MROH7: variants seen among roughly 807,000 people sequenced by gnomAD.
MROH7 encodes maestro heat-like repeat-containing protein family member 7.
In MROH7, 113 loss-of-function variants were observed where a neutral mutation model predicts 129.2. The ratio of observed to expected loss-of-function variants is 0.87; its 90% CI spans 0.75 to 1.02. The LOEUF is 1.02. Among genes scored for constraint, MROH7 ranks in the 50% least tolerant of loss-of-function variants. The pLI is 0.00. For synonymous variants in MROH7, 655 were observed against 667.9 expected (o/e 0.98, Z 0.30); for missense variants, 1,601 against 1,671.3 (o/e 0.96, Z 0.73).
chr1:54,648,865 G>A (rs966017225), intron 1 of MROH7, among the ~76,000 whole-genome samples: 2 of 152,148 alleles, frequency 1.3e-5, no homozygotes, highest in Non-Finnish European at 2.9e-5. Flanking sequence ...AGAATTAGCA[G>A]AACTTGGCCA....
intron 14 of MROH7, among the ~76,000 whole-genome samples, chr1:54,685,928 C>T (rs1645140207): frequency 6.6e-6 from 1 of 152,166 alleles, no homozygotes; most frequent in South Asian, 2.1e-4. Flanking sequence ...CCCTCTGAGT[C>T]CGCCTCCTCA....
Position 54,670,904 on chromosome 1 carries a change from A to AC in MROH7, c.1575dup (p.Glu526ArgfsTer5). On this transcript the variant is annotated frameshift_variant, in exon 7 of 24. Coordinates refer to ENST00000421030, the MANE Select transcript of MROH7 (RefSeq NM_001039464.4). LOFTEE classifies it high-confidence loss of function. Reference sequence around the variant, plus strand: ...TCCGTGCAGGCGATGCAGGAGAAGGACGAGGCCAAGGCTGAGACCATCCAG... The same window carrying AC: ...TCCGTGCAGGCGATGCAGGAGAAGGACCGAGGCCAAGGCTGAGACCATCCAG... The AC allele has an allele frequency of 6.2e-7, 1 of 1,609,194 alleles. No individual in the cohort carries two copies. Among genetic ancestry groups the AC allele is most frequent in the Non-Finnish European group, 8.5e-7 (1 of 1,178,002 alleles).
In MROH7 at chr1:54,670,561, T is replaced by C. The variant is rs762085154; in HGVS notation, c.1454T>C (p.Ile485Thr). Residue 485 changes from isoleucine to threonine, a missense_variant, in exon 6 of 24, where the codon ATC (isoleucine) becomes ACC (threonine). Transcript: ENST00000421030. ...TCCGTCCGCAAGCAGGCCATGGAGA[T>C]CCTGACCCAGCTGAGGTGTCCATGG... ...SSSVRKQAME[I>T]LTQLSHTQPT... 2.5e-6 allele frequency: 4 copies of C among 1,613,340 alleles called. No homozygotes were observed. The East Asian group carries it at 8.9e-5, about 36-fold the overall frequency.
chr1:54,694,272 T>TG (rs1645286213), intron 16 of MROH7, among the ~76,000 whole-genome samples: 1 of 152,266 alleles, frequency 6.6e-6, no homozygotes, highest in African/African-American at 2.4e-5. Flanking sequence ...CAGCTAGTGC[T>TG]GGGGCCAGGA....
intron 1 of MROH7, among the ~76,000 whole-genome samples, chr1:54,643,360 C>A (rs1009963866): frequency 6.6e-6 from 1 of 152,114 alleles, no homozygotes; most frequent in Non-Finnish European, 1.5e-5. Flanking sequence ...GGTCCCAAGG[C>A]AAGAGGGAGG....
At chr1:54,683,155 A>G (rs1204272301) in intron 14 of MROH7, among the ~76,000 whole-genome samples, 1 of 152,160 alleles carries the variant, frequency 6.6e-6, no homozygotes, top group African/African-American at 2.4e-5. Context: ...TGGGCACTAT[A>G]GCAAGACCTC....
rs771058342 is a variant in MROH7, at chr1:54,652,992, C to T, written c.66C>T (p.Pro22=). 1 of 1,613,808 alleles carries T rather than the reference C, an allele frequency of 6.2e-7. No individual in the cohort carries two copies. The highest frequency in any genetic ancestry group is 1.3e-5 in the African/African-American group (1 of 74,932). ...HEDPKMTPSP[P]SCGAPGLGSG... is the part of the protein sequence containing the mutation. Reference sequence around the variant, plus strand: ...ACCCAAAGATGACACCAAGTCCCCCCTCCTGTGGGGCCCCGGGATTAGGGT... The same window carrying T: ...ACCCAAAGATGACACCAAGTCCCCCTTCCTGTGGGGCCCCGGGATTAGGGT... Residue 22 remains proline, a synonymous_variant, in exon 3 of 24, where the codon CCC becomes CCT. Coordinates refer to ENST00000421030, the MANE Select transcript of MROH7 (RefSeq NM_001039464.4).
intron 17 of MROH7, chr1:54,697,752 G>A (rs1645346403): frequency 4.3e-6 from 3 of 692,358 alleles, no homozygotes; most frequent in Middle Eastern, 2.3e-4. Context: ...ATTCAGAACA[G>A]GCCTGCCTGA....
chr1:54,709,165 T>C, intron 23 of MROH7, 89 bp downstream of exon 23: 1 of 1,259,026 alleles, frequency 7.9e-7, no homozygotes, highest in Admixed American at 1.7e-5. Context: ...GGAAGGGATG[T>C]GTCCCAAGAC....
intron 3 of MROH7, among the ~76,000 whole-genome samples, chr1:54,657,045 C>G (rs1006994795): frequency 2.1e-5 from 3 of 146,244 alleles, no homozygotes; most frequent in African/African-American, 7.5e-5. Flanking sequence ...AAATTCTCAC[C>G]ATCTTTTTTT....
chr1:54,660,257 A>T lies in MROH7; in HGVS notation c.1232-4910A>T, dbSNP rs528312931. 5.4e-4 allele frequency among the ~76,000 whole-genome samples: 83 copies of T among 152,324 alleles called. 1 individual carries two copies. Among genetic ancestry groups the T allele is most frequent in the Non-Finnish European group, 1.5e-5 (1 of 68,036 alleles). On this transcript the variant is annotated intron_variant, in intron 3 of 23. Coordinates refer to ENST00000421030, the MANE Select transcript of MROH7 (RefSeq NM_001039464.4). ...TCCCTACATGGTGGTAGGTGGAAGG[A>T]CAAAAAGGGGCTGAACTCTGTATGA...
chr1:54,649,532 G>C (rs1644523517), intron 1 of MROH7, among the ~76,000 whole-genome samples: 1 of 152,376 alleles, frequency 6.6e-6, no homozygotes, highest in African/African-American at 2.4e-5. Context: ...GGATGGAGGA[G>C]GAGGACTGGG....
intron 23 of MROH7, among the ~76,000 whole-genome samples, chr1:54,709,460 C>T (rs559199055): frequency 1.3e-5 from 2 of 152,252 alleles, no homozygotes; most frequent in South Asian, 2.1e-4. Flanking sequence ...TCAAGTGATC[C>T]GCCCGCTTCT....
At chr1:54,672,629 G>A (rs1342608249) in intron 7 of MROH7, among the ~76,000 whole-genome samples, 1 of 152,136 alleles carries the variant, frequency 6.6e-6, no homozygotes, top group Non-Finnish European at 1.5e-5. Flanking sequence ...AAGTAAGATT[G>A]GCTCTTTCAT....
intron 21 of MROH7, among the ~76,000 whole-genome samples, chr1:54,705,703 T>C (rs1411811154): frequency 6.6e-6 from 1 of 152,168 alleles, no homozygotes; most frequent in Admixed American, 6.5e-5. Context: ...ATGGTGGGCA[T>C]GACAGGTGGA....
At chr1:54,702,324 A>G in intron 20 of MROH7, 79 bp downstream of exon 20, 2 of 1,266,100 alleles carry the variant, frequency 1.6e-6, no homozygotes, top group Non-Finnish European at 2.1e-6. Context: ...TAACCAAGCC[A>G]GAGTCTCAAA....
In MROH7 at chr1:54,702,764, T is replaced by C. The variant is rs77383987; in HGVS notation, c.3564+19T>C. ...GTGCCTTGTGAGTGCTCCCAGAGAGTAGAGTGGTTCCTTACAAGCATGTTG... is the reference window on the plus strand; with the variant it reads ...GTGCCTTGTGAGTGCTCCCAGAGAGCAGAGTGGTTCCTTACAAGCATGTTG... On this transcript the variant is annotated intron_variant, in intron 21 of 23. Transcript: ENST00000421030. The C allele has an allele frequency of 9.0e-4, 1,442 of 1,603,272 alleles. 16 individuals carry two copies. The African/African-American group carries it at 0.017, about 19-fold the overall frequency.
chr1:54,672,018 G>A (rs1486824010), intron 7 of MROH7, among the ~76,000 whole-genome samples: 1 of 152,084 alleles, frequency 6.6e-6, no homozygotes, highest in Non-Finnish European at 1.5e-5. Flanking sequence ...GAGGGTGGCA[G>A]AAGGAATAGC....
At chr1:54,671,355 G>T (rs1434566498) in intron 7 of MROH7, among the ~76,000 whole-genome samples, 1 of 152,242 alleles carries the variant, frequency 6.6e-6, no homozygotes, top group Non-Finnish European at 1.5e-5. Context: ...AGCCGAGATT[G>T]CGCCACTGCA....
Sources: allele counts gnomAD v4.1 joint callset (sites outside exome capture counted in the v4.1 genomes callset), GRCh38; gene constraint gnomAD v4.1.1; transcripts MANE v1.5; gene names NCBI Gene and HGNC (gene_info 2026-07-23, HGNC 2026-07-21).